ASB13: variants seen among roughly 807,000 people sequenced by gnomAD.
ASB13 encodes ankyrin repeat and SOCS box protein 13.
A neutral mutation model predicts 28.8 loss-of-function variants in ASB13; 33 were observed. That is an observed-to-expected ratio of 1.15 (90% CI 0.87 to 1.53). The LOEUF (loss-of-function observed/expected upper bound fraction) is 1.53, where lower values mean the gene tolerates loss of function less well. ASB13 is among the 40% of genes most tolerant of loss of function. The pLI, the probability that ASB13 is intolerant of heterozygous loss-of-function variation, is 0.00. For missense variants in ASB13, 414 were observed against 390.1 expected (o/e 1.06, Z -0.52); for synonymous variants, 182 against 172.9 (o/e 1.05, Z -0.41).
In ASB13 at chr10:5,649,923, G is replaced by A. The variant is rs897026223; in HGVS notation, c.383-819C>T. On this transcript the variant is annotated intron_variant, in intron 3 of 5. Transcript: ENST00000357700. The surrounding 1 kb of genome is among the most constrained non-coding windows in gnomAD (Gnocchi z 6.4). ...CCATCCTCCCGCCCCTGCACATTCC[G>A]TCTAGGCTCCAACCTTTCCGTTCAC... Among the ~76,000 whole-genome samples the A allele has an allele frequency of 3.3e-4, 50 of 152,096 alleles. 1 individual carries two copies. The highest frequency in any genetic ancestry group is 3.9e-4 in the East Asian group (2 of 5,184).
Position 5,641,692 on chromosome 10 carries a change from A to G in ASB13, c.709+78T>C. The G allele has an allele frequency of 7.0e-7, 1 of 1,437,484 alleles. No individual in the cohort carries two copies. The highest frequency in any genetic ancestry group is 9.4e-7 in the Non-Finnish European group (1 of 1,063,854). 89.0% of individuals were successfully genotyped at this position (1,437,484 alleles called of 1,614,324 possible). Reference sequence around the variant, plus strand: ...GACTAACAGCCCAGCTCTCCGCGGAAGCCCACAGGGAGCCGGCACGTCAGG... The same window carrying G: ...GACTAACAGCCCAGCTCTCCGCGGAGGCCCACAGGGAGCCGGCACGTCAGG... On this transcript the variant is annotated intron_variant, in intron 5 of 5. Coordinates refer to ENST00000357700, the MANE Select transcript of ASB13 (RefSeq NM_024701.4). This position sits in a 1 kb window ranked among gnomAD's most constrained non-coding sequence, Gnocchi z 8.4.
intron 1 of ASB13, among the ~76,000 whole-genome samples, chr10:5,665,551 C>T (rs528879108): frequency 3.2e-4 from 48 of 152,194 alleles, no homozygotes; most frequent in Non-Finnish European, 5.7e-4. Context: ...ACTGCTTACT[C>T]AATTAAGCTA....
At chr10:5,662,330 C>T (rs1316549978) in intron 1 of ASB13, among the ~76,000 whole-genome samples, 2 of 151,802 alleles carry the variant, frequency 1.3e-5, no homozygotes, top group East Asian at 1.9e-4. Context: ...ATCAGCCTGG[C>T]CAACATGGCA....
intron 1 of ASB13, among the ~76,000 whole-genome samples, chr10:5,657,813 A>G (rs1398128948): frequency 6.6e-6 from 1 of 152,230 alleles, no homozygotes; most frequent in Non-Finnish European, 1.5e-5. Context: ...GTCCCATGCT[A>G]CAACATGGAT....
intron 1 of ASB13, among the ~76,000 whole-genome samples, chr10:5,662,817 G>A (rs1266464355): frequency 6.6e-6 from 1 of 152,170 alleles, no homozygotes; most frequent in African/African-American, 2.4e-5. Flanking sequence ...GACAACTAAA[G>A]ACAGTGTACG....
At position 5,645,283 on chromosome 10, in the gene ASB13, T is replaced by A. The variant is rs576306729; in HGVS notation, c.518-3322A>T. 5.3e-4 allele frequency among the ~76,000 whole-genome samples: 81 copies of A among 152,074 alleles called. No homozygotes were observed. The highest frequency in any genetic ancestry group is 4.4e-3 in the Admixed American group (67 of 15,300). On this transcript the variant is annotated intron_variant, in intron 4 of 5. Transcript: ENST00000357700. The surrounding 1 kb of genome is among the most constrained non-coding windows in gnomAD (Gnocchi z 5.4). The stretch of plus-strand genomic sequence containing the variant: ...AAAAAATTATAATTAAAAAATTTTT[T>A]AAAAATTAAACAACAATTTTAAAAA...
chr10:5,651,505 TGAAA>T lies in ASB13; in HGVS notation c.232-146_232-143del. ...GCTATTATGTGCTAGGCAACGACAC[TGAAA>T]GAGATAGCACGTGGCTGCGGAGCAC... is the stretch of plus-strand genomic sequence containing the variant. On this transcript the variant is annotated intron_variant, in intron 2 of 5. Coordinates refer to ENST00000357700, the MANE Select transcript of ASB13 (RefSeq NM_024701.4). This position sits in a 1 kb window ranked among gnomAD's most constrained non-coding sequence, Gnocchi z 5.1. 1 of 919,686 alleles carries T rather than the reference TGAAA, an allele frequency of 1.1e-6. No homozygotes were observed. The highest frequency in any genetic ancestry group is 1.6e-6 in the Non-Finnish European group (1 of 628,230). The allele number at this position is 919,686 out of a possible 1,614,324, so 57.0% of individuals were successfully genotyped here.
rs1332688615 is a variant in ASB13 at position 5,659,478 on chromosome 10, G to A, written c.44-6428C>T. Among the ~76,000 whole-genome samples, 1 of 152,164 alleles carries A rather than the reference G, an allele frequency of 6.6e-6. No homozygotes were observed. The highest frequency in any genetic ancestry group is 1.5e-5 in the Non-Finnish European group (1 of 68,028). ...CGTCATGCACACAGCCGTGTCCAGT[G>A]ACACCAAACTCTACCGACTCACACA... is the stretch of plus-strand genomic sequence containing the variant. On this transcript the variant is annotated intron_variant, in intron 1 of 5. Coordinates refer to ENST00000357700, the MANE Select transcript of ASB13 (RefSeq NM_024701.4). This position sits in a 1 kb window ranked among gnomAD's most constrained non-coding sequence, Gnocchi z 5.8.
rs751841194 is a variant in ASB13 at position 5,649,895 on chromosome 10, C to G, written c.383-791G>C. 1.1e-4 allele frequency among the ~76,000 whole-genome samples: 17 copies of G among 152,126 alleles called. No individual in the cohort carries two copies. Among genetic ancestry groups the G allele is most frequent in the Non-Finnish European group, 1.8e-4 (12 of 68,010 alleles). On this transcript the variant is annotated intron_variant, in intron 3 of 5. Coordinates refer to ENST00000357700, the MANE Select transcript of ASB13 (RefSeq NM_024701.4). This position sits in a 1 kb window ranked among gnomAD's most constrained non-coding sequence, Gnocchi z 6.4. ...GCGGATTTGGAGCGGGGTTCCAGGCCCCCCATCCTCCCGCCCCTGCACATT... is the reference window on the plus strand; with the variant it reads ...GCGGATTTGGAGCGGGGTTCCAGGCGCCCCATCCTCCCGCCCCTGCACATT...
rs991430083 is a variant in ASB13 at position 5,664,218 on chromosome 10, A to C, written c.43+2291T>G. Among the ~76,000 whole-genome samples the C allele has an allele frequency of 4.0e-5, 6 of 151,500 alleles. No homozygotes were observed. The highest frequency in any genetic ancestry group is 1.2e-4 in the African/African-American group (5 of 41,152). ...AAATCCCCATAAACAACAGGAAGAC[A>C]CCCCTGCCCCACCCCCACCCCGGCT... On this transcript the variant is annotated intron_variant, in intron 1 of 5. Transcript: ENST00000357700. The surrounding 1 kb of genome is among the most constrained non-coding windows in gnomAD (Gnocchi z 4.2).
chr10:5,646,732 C>T (rs1350690901), intron 4 of ASB13, among the ~76,000 whole-genome samples: 1 of 152,110 alleles, frequency 6.6e-6, no homozygotes, highest in African/African-American at 2.4e-5. Context: ...CTAACTGATA[C>T]AGAAAGGATG....
chr10:5,641,756 G>A lies in ASB13; in HGVS notation c.709+14C>T, dbSNP rs750116047. ...GGCTGGAGGGGATGGGGTGCGCTCG[G>A]TGGGGTGTCTCACTTTCGTAGTACT... On this transcript the variant is annotated intron_variant, in intron 5 of 5. Coordinates refer to ENST00000357700, the MANE Select transcript of ASB13 (RefSeq NM_024701.4). This position sits in a 1 kb window ranked among gnomAD's most constrained non-coding sequence, Gnocchi z 8.4. 2.6e-6 allele frequency: 4 copies of A among 1,562,626 alleles called. No homozygotes were observed. The East Asian group carries it at 6.9e-5, about 27-fold the overall frequency.
In ASB13 at chr10:5,655,828, A is replaced by G. The variant is rs923820947; in HGVS notation, c.44-2778T>C. On this transcript the variant is annotated intron_variant, in intron 1 of 5. Coordinates refer to ENST00000357700, the MANE Select transcript of ASB13 (RefSeq NM_024701.4). This position sits in a 1 kb window ranked among gnomAD's most constrained non-coding sequence, Gnocchi z 6.2. ...CAGGGTAAGGCCTAGGTCTTGCAGCAAAAAAAGAAAGTGCATCTCAGGAGG... is the reference window on the plus strand; with the variant it reads ...CAGGGTAAGGCCTAGGTCTTGCAGCGAAAAAAGAAAGTGCATCTCAGGAGG... Among the ~76,000 whole-genome samples the G allele has an allele frequency of 9.9e-5, 15 of 152,158 alleles. No homozygotes were observed. Among genetic ancestry groups the G allele is most frequent in the African/African-American group, 3.4e-4 (14 of 41,434 alleles).
In ASB13 at chr10:5,650,137, G is replaced by T. The variant is rs1169194055; in HGVS notation, c.383-1033C>A. ...GACCTCTTGAGCCTCCCCTTCATAC[G>T]AAATCCTATGGATTCCTTCCCCAAC... On this transcript the variant is annotated intron_variant, in intron 3 of 5. Transcript: ENST00000357700. The surrounding 1 kb of genome is among the most constrained non-coding windows in gnomAD (Gnocchi z 6.0). Among the ~76,000 whole-genome samples, 2 of 151,868 alleles carry T rather than the reference G, an allele frequency of 1.3e-5. No homozygotes were observed. Among genetic ancestry groups the T allele is most frequent in the African/African-American group, 4.8e-5 (2 of 41,336 alleles).
intron 4 of ASB13, among the ~76,000 whole-genome samples, chr10:5,648,060 T>C (rs61832710): frequency 1.5e-3 from 137 of 93,674 alleles, no homozygotes; most frequent in Middle Eastern, 6.8e-3. Context: ...CCCACTCAGG[T>C]AAACACCCAC....
At chr10:5,665,459 T>A (rs1015794935) in intron 1 of ASB13, among the ~76,000 whole-genome samples, 1 of 152,224 alleles carries the variant, frequency 6.6e-6, no homozygotes, top group Non-Finnish European at 1.5e-5. Context: ...TAACAAACGA[T>A]GCAGAAGACA....
At chr10:5,647,965 A>G (rs1834910551) in intron 4 of ASB13, among the ~76,000 whole-genome samples, 1 of 99,560 alleles carries the variant, frequency 1.0e-5, no homozygotes, top group Non-Finnish European at 2.6e-5. Context: ...CTCTGCAGGT[A>G]AACACCCACT....
At position 5,649,872 on chromosome 10, in the gene ASB13, G is replaced by A. The variant is rs565955004; in HGVS notation, c.383-768C>T. ...GCTCCTCTTCCTGGGTCTGTAATGC[G>A]GATTTGGAGCGGGGTTCCAGGCCCC... On this transcript the variant is annotated intron_variant, in intron 3 of 5. Coordinates refer to ENST00000357700, the MANE Select transcript of ASB13 (RefSeq NM_024701.4). The surrounding 1 kb of genome is among the most constrained non-coding windows in gnomAD (Gnocchi z 6.4). 3.3e-5 allele frequency among the ~76,000 whole-genome samples: 5 copies of A among 152,218 alleles called. No individual in the cohort carries two copies. In the East Asian group the frequency reaches 9.7e-4, roughly 29 times the overall value.
At position 5,640,448 on chromosome 10, in the gene ASB13, C is replaced by T; in HGVS notation, c.*255G>A. On this transcript the variant is annotated 3_prime_UTR_variant, in exon 6 of 6. Coordinates refer to ENST00000357700, the MANE Select transcript of ASB13 (RefSeq NM_024701.4). The stretch of plus-strand genomic sequence containing the variant: ...GAAAACTGGATGGTTGGGCCCATGC[C>T]CATTGAGAGGGTAGGTTCTGTAGAA... 1 of 428,796 alleles carries T rather than the reference C, an allele frequency of 2.3e-6. No homozygotes were observed. The highest frequency in any genetic ancestry group is 2.0e-5 in the African/African-American group (1 of 50,006). 26.6% of individuals were successfully genotyped at this position (428,796 alleles called of 1,614,324 possible).
Sources: allele counts gnomAD v4.1 joint callset (sites outside exome capture counted in the v4.1 genomes callset), GRCh38; gene constraint gnomAD v4.1.1; non-coding constraint Gnocchi (gnomAD v3.1); transcripts MANE v1.5; gene names NCBI Gene and HGNC (gene_info 2026-07-23, HGNC 2026-07-21).